Variants in SLC16A12 observed in about 807,000 individuals in gnomAD.
SLC16A12 encodes solute carrier family 16 member 12.
Under a neutral mutation model 42.4 loss-of-function variants are expected in SLC16A12, and 17 were observed. The ratio of observed to expected loss-of-function variants is 0.40; its 90% CI spans 0.27 to 0.60. SLC16A12 has a LOEUF of 0.60. SLC16A12 is among the 20% of genes least tolerant of loss of function. The pLI is 0.42. For missense variants in SLC16A12, 544 were observed against 623.0 expected (o/e 0.87, Z 1.35); for synonymous variants, 224 against 229.4 (o/e 0.98, Z 0.21).
intron 3 of SLC16A12, among the ~76,000 whole-genome samples, chr10:89,455,148 T>G (rs907454622): frequency 6.6e-6 from 1 of 151,982 alleles, no homozygotes; most frequent in Non-Finnish European, 1.5e-5. Flanking sequence ...AGAAAATGAG[T>G]GTTACAAGCT....
chr10:89,555,566 CGTATAT>C (rs1057512534), intron 2 of SLC16A12, among the ~76,000 whole-genome samples: 13 of 93,796 alleles, frequency 1.4e-4, no homozygotes, highest in Non-Finnish European at 1.9e-4. Context: ...TATACATATA[CGTATAT>C]GTATATGTAT....
chr10:89,542,996 G>A (rs965634894), intron 2 of SLC16A12, among the ~76,000 whole-genome samples: 1 of 152,124 alleles, frequency 6.6e-6, no homozygotes, highest in African/African-American at 2.4e-5. Context: ...TCCCATGTCT[G>A]GGCTACCCCT....
At chr10:89,450,672 G>T (rs1182078663) in intron 3 of SLC16A12, among the ~76,000 whole-genome samples, 1 of 151,970 alleles carries the variant, frequency 6.6e-6, no homozygotes, top group Admixed American at 6.6e-5. Context: ...TGAGTTAATG[G>T]GTGTAGCAAA....
chr10:89,464,491 A>G (rs1842360100), intron 2 of SLC16A12, among the ~76,000 whole-genome samples: 1 of 152,214 alleles, frequency 6.6e-6, no homozygotes, highest in African/African-American at 2.4e-5. Flanking sequence ...CAAATTACCC[A>G]GTTGCTTTTA....
intron 2 of SLC16A12, among the ~76,000 whole-genome samples, chr10:89,496,094 T>C (rs1286498972): frequency 6.6e-6 from 1 of 152,054 alleles, no homozygotes; most frequent in Non-Finnish European, 1.5e-5. Flanking sequence ...ACATAACTAA[T>C]AATTATTATA....
At position 89,469,967 on chromosome 10, in the gene SLC16A12, G is replaced by T. The variant is rs566874290; in HGVS notation, c.-46-7343C>A. Among the ~76,000 whole-genome samples the T allele has an allele frequency of 3.6e-4, 55 of 152,248 alleles. No individual in the cohort carries two copies. The South Asian group carries it at 7.3e-3, about 20-fold the overall frequency. ...TGCTTAAGAATCATGAAATTTGCCAGTCTCCTTTTTTTAGGCATTTCTGAA... is the reference window on the plus strand; with the variant it reads ...TGCTTAAGAATCATGAAATTTGCCATTCTCCTTTTTTTAGGCATTTCTGAA... On this transcript the variant is annotated intron_variant, in intron 2 of 7. Coordinates refer to ENST00000371790, the MANE Select transcript of SLC16A12 (RefSeq NM_213606.4).
chr10:89,552,496 C>T (rs1843776810), intron 2 of SLC16A12, among the ~76,000 whole-genome samples: 1 of 152,104 alleles, frequency 6.6e-6, no homozygotes. Flanking sequence ...CACAACAGCA[C>T]ATTGCATTTC....
intron 2 of SLC16A12, among the ~76,000 whole-genome samples, chr10:89,505,364 G>A (rs1470706793): frequency 6.6e-6 from 1 of 151,868 alleles, no homozygotes; most frequent in Non-Finnish European, 1.5e-5. Context: ...GCAGTGAGCC[G>A]AGATCATGCC....
At chr10:89,447,317 C>T (rs1842020946) in intron 3 of SLC16A12, among the ~76,000 whole-genome samples, 1 of 152,186 alleles carries the variant, frequency 6.6e-6, no homozygotes, top group Non-Finnish European at 1.5e-5. Context: ...CTTCTCAGTA[C>T]CACATCACAC....
chr10:89,554,068 G>GA (rs1843788930), intron 2 of SLC16A12, among the ~76,000 whole-genome samples: 1 of 105,654 alleles, frequency 9.5e-6, no homozygotes, highest in South Asian at 3.5e-4. Context: ...AAGAAAGAAA[G>GA]AAAGAAAGAA....
chr10:89,463,835 G>T (rs553538358), intron 2 of SLC16A12, among the ~76,000 whole-genome samples: 1 of 152,218 alleles, frequency 6.6e-6, no homozygotes, highest in South Asian at 2.1e-4. Context: ...ATTCAGTAGT[G>T]GTCACAATAC....
chr10:89,472,992 A>AT (rs530643710), intron 2 of SLC16A12, among the ~76,000 whole-genome samples: 2 of 151,200 alleles, frequency 1.3e-5, no homozygotes, highest in Admixed American at 6.6e-5. Flanking sequence ...CAATTTTTGT[A>AT]TTTTTTTGTA....
intron 3 of SLC16A12, among the ~76,000 whole-genome samples, chr10:89,460,316 T>A (rs1467530332): frequency 2.6e-5 from 4 of 152,132 alleles, no homozygotes. Flanking sequence ...AGACTCATAT[T>A]ATAGACTCAT....
intron 1 of SLC16A12, among the ~76,000 whole-genome samples, chr10:89,556,165 A>G (rs1263866055): frequency 6.6e-6 from 1 of 152,154 alleles, no homozygotes; most frequent in Admixed American, 6.5e-5. Context: ...CACTGTGCTA[A>G]GCACTTTTTA....
At chr10:89,464,288 G>T (rs956394639) in intron 2 of SLC16A12, among the ~76,000 whole-genome samples, 1 of 152,176 alleles carries the variant, frequency 6.6e-6, no homozygotes, top group African/African-American at 2.4e-5. Flanking sequence ...CACCCTGACT[G>T]CAGCTTTGTG....
chr10:89,484,446 C>G (rs1437789338), intron 2 of SLC16A12, among the ~76,000 whole-genome samples: 1 of 152,186 alleles, frequency 6.6e-6, no homozygotes, highest in Non-Finnish European at 1.5e-5. Context: ...TTTCAACTCA[C>G]AGTTGTGGGT....
chr10:89,538,881 TCAAAGAACCCGG>T (rs979994372), upstream of SLC16A12, among the ~76,000 whole-genome samples: 1 of 152,196 alleles, frequency 6.6e-6, no homozygotes, highest in Admixed American at 6.5e-5. Context: ...TTCCAGTTTA[TCAAAGAACCCGG>T]CAAAATCAGT....
intron 2 of SLC16A12, among the ~76,000 whole-genome samples, chr10:89,470,021 T>A (rs953966022): frequency 1.1e-4 from 17 of 152,224 alleles, no homozygotes; most frequent in Non-Finnish European, 1.9e-4. Flanking sequence ...TAATATTTTT[T>A]AAGAAATCTT....
At chr10:89,523,788 CA>C (rs1843401852) in intron 2 of SLC16A12, among the ~76,000 whole-genome samples, 1 of 152,212 alleles carries the variant, frequency 6.6e-6, no homozygotes, top group Non-Finnish European at 1.5e-5. Flanking sequence ...TAAATGACCC[CA>C]TCCAAAGTTG....
Sources: allele counts gnomAD v4.1 joint callset (sites outside exome capture counted in the v4.1 genomes callset), GRCh38; gene constraint gnomAD v4.1.1; transcripts MANE v1.5; gene names NCBI Gene and HGNC (gene_info 2026-07-23, HGNC 2026-07-21).